Variants in RPS6KA2 observed in about 807,000 individuals in gnomAD.
The protein encoded by RPS6KA2 is ribosomal protein S6 kinase alpha-2.
Under a neutral mutation model 91.8 loss-of-function variants are expected in RPS6KA2, and 42 were observed. That is an observed-to-expected ratio of 0.46 (90% CI 0.36 to 0.59). The LOEUF is 0.59. Ranked by LOEUF, RPS6KA2 falls within the 20% of genes least tolerant of loss-of-function variation. The pLI is 0.00. For missense variants in RPS6KA2, 798 were observed against 978.5 expected (o/e 0.82, Z 2.46); for synonymous variants, 414 against 393.6 (o/e 1.05, Z -0.61).
chr6:166,475,210 C>A (rs1562520190), intron 10 of RPS6KA2, among the ~76,000 whole-genome samples: 1 of 152,172 alleles, frequency 6.6e-6, no homozygotes, highest in Non-Finnish European at 1.5e-5. Context: ...ACAGCCACCC[C>A]AGGGTCTTTC....
At position 166,507,985 on chromosome 6, in the gene RPS6KA2, ACCC is replaced by A. The variant is rs372015266; in HGVS notation, c.459+215_459+217del. On this transcript the variant is annotated intron_variant, in intron 5 of 20. Transcript: ENST00000265678. ...CCACACATGCACATGCAGTCTCGCA[ACCC>A]CCCACCACACATCATGCACACTTGC... Among the ~76,000 whole-genome samples the A allele has an allele frequency of 7.3e-3, 1,004 of 137,566 alleles. 16 individuals are homozygous for A. The highest frequency in any genetic ancestry group is 0.026 in the African/African-American group (942 of 35,984). The allele number at this position is 137,566 out of a possible 152,430, so 90.2% of individuals were successfully genotyped here. A position where few individuals can be genotyped will look rare whatever the true frequency, so the allele number is the denominator to read the frequency against.
chr6:166,606,622 C>T (rs1785964956), intron 1 of RPS6KA2, among the ~76,000 whole-genome samples: 2 of 152,294 alleles, frequency 1.3e-5, no homozygotes, highest in Non-Finnish European at 2.9e-5. Context: ...AGAATATATA[C>T]ATAATTCTTA....
At chr6:166,542,865 T>C (rs1185471041) in intron 1 of RPS6KA2, among the ~76,000 whole-genome samples, 1 of 152,284 alleles carries the variant, frequency 6.6e-6, no homozygotes, top group Non-Finnish European at 1.5e-5. Context: ...AATTAAAAGT[T>C]GTGGAATATT....
chr6:166,494,730 CT>C lies in RPS6KA2; in HGVS notation c.747+3777del, dbSNP rs1213011082. 6.6e-6 allele frequency among the ~76,000 whole-genome samples: 1 copy of C among 152,204 alleles called. No homozygotes were observed. Among genetic ancestry groups the C allele is most frequent in the Non-Finnish European group, 1.5e-5 (1 of 68,032 alleles). On this transcript the variant is annotated intron_variant, in intron 8 of 20. Coordinates refer to ENST00000265678, the MANE Select transcript of RPS6KA2 (RefSeq NM_021135.6). This position sits in a 1 kb window ranked among gnomAD's most constrained non-coding sequence, Gnocchi z 5.1. ...CCTGCCCCTGGCACAGGCATCCTTC[CT>C]TCCAGGTCTGGGGAGGGCACTTGTG...
At chr6:166,520,181 G>C (rs1035586993) in intron 3 of RPS6KA2, among the ~76,000 whole-genome samples, 4 of 152,190 alleles carry the variant, frequency 2.6e-5, no homozygotes, top group Non-Finnish European at 5.9e-5. Flanking sequence ...CCCACACCAA[G>C]TTCTCAGGAC....
intron 1 of RPS6KA2, among the ~76,000 whole-genome samples, chr6:166,622,000 G>C (rs930699506): frequency 6.6e-6 from 1 of 152,160 alleles, no homozygotes; most frequent in Non-Finnish European, 1.5e-5. Context: ...TGAAATTCCA[G>C]GTAAATGGTA....
At chr6:166,856,917 G>C (rs1410772948) in intron 2 of RPS6KA2, among the ~76,000 whole-genome samples, 2 of 152,222 alleles carry the variant, frequency 1.3e-5, no homozygotes, top group Non-Finnish European at 2.9e-5. Context: ...AAAGGTACAA[G>C]GCCAGGCCAA....
At position 166,764,570 on chromosome 6, in the gene RPS6KA2, A is replaced by T. The variant is rs112817767; in HGVS notation, c.123+93630T>A. 7.7e-3 allele frequency among the ~76,000 whole-genome samples: 1,172 copies of T among 152,148 alleles called. 25 individuals are homozygous for T. Among genetic ancestry groups the T allele is most frequent in the African/African-American group, 0.027 (1,134 of 41,512 alleles). On this transcript the variant is annotated intron_variant, in intron 2 of 21. Transcript: ENST00000503859. ...GGCCATGCCGCAGGCCTAGATGGGGAAGCAGAGTGGGGCAAGGAGCAGGGG... is the reference window on the plus strand; with the variant it reads ...GGCCATGCCGCAGGCCTAGATGGGGTAGCAGAGTGGGGCAAGGAGCAGGGG...
At position 166,648,757 on chromosome 6, in the gene RPS6KA2, T is replaced by C. The variant is rs74875116; in HGVS notation, c.124-109973A>G. Among the ~76,000 whole-genome samples, 503 of 152,314 alleles carry C rather than the reference T, an allele frequency of 3.3e-3. 2 individuals are homozygous for C. Among genetic ancestry groups the C allele is most frequent in the African/African-American group, 0.012 (489 of 41,564 alleles). Reference sequence around the variant, plus strand: ...TTACTCCGGCGTCTGCATCTCGTCCTGAGGTCCTGAACTTTGGGATGGCAC... The same window carrying C: ...TTACTCCGGCGTCTGCATCTCGTCCCGAGGTCCTGAACTTTGGGATGGCAC... On this transcript the variant is annotated intron_variant, in intron 2 of 21. Transcript: ENST00000503859. The surrounding 1 kb of genome is among the most constrained non-coding windows in gnomAD (Gnocchi z 4.8).
intron 1 of RPS6KA2, among the ~76,000 whole-genome samples, chr6:166,587,965 A>G (rs1315966044): frequency 2.6e-5 from 4 of 152,178 alleles, no homozygotes; most frequent in Admixed American, 2.6e-4. Context: ...TTTGTTTTTT[A>G]TCTGTTTGGC....
chr6:166,725,874 G>A (rs1215579277), intron 2 of RPS6KA2, among the ~76,000 whole-genome samples: 1 of 152,242 alleles, frequency 6.6e-6, no homozygotes, highest in African/African-American at 2.4e-5. Context: ...TGAGGGGTGG[G>A]GAGGAGGCAG....
In RPS6KA2 at chr6:166,422,858, A is replaced by T. The variant is rs1034948871; in HGVS notation, c.1743+398T>A. ...GGGTGCAGAGAAAATCCGTAAACTT[A>T]GTTGCTCCCTGCGCTATGACGGATC... On this transcript the variant is annotated intron_variant, in intron 17 of 20. Transcript: ENST00000265678. Among the ~76,000 whole-genome samples, 126 of 152,248 alleles carry T rather than the reference A, an allele frequency of 8.3e-4. 1 individual carries two copies. Among genetic ancestry groups the T allele is most frequent in the African/African-American group, 2.9e-3 (119 of 41,550 alleles).
chr6:166,729,038 C>T (rs1207038410), intron 2 of RPS6KA2, among the ~76,000 whole-genome samples: 1 of 152,214 alleles, frequency 6.6e-6, no homozygotes, highest in African/African-American at 2.4e-5. Flanking sequence ...ATGGAGTGCT[C>T]CCCTGCGGAA....
chr6:166,604,474 G>A (rs1018574145), intron 1 of RPS6KA2, among the ~76,000 whole-genome samples: 1 of 152,204 alleles, frequency 6.6e-6, no homozygotes, highest in Admixed American at 6.5e-5. Flanking sequence ...TCCCCGCTGG[G>A]GTAACTGAAG....
chr6:166,576,668 C>G (rs1784845525), intron 1 of RPS6KA2, among the ~76,000 whole-genome samples: 1 of 152,128 alleles, frequency 6.6e-6, no homozygotes, highest in Non-Finnish European at 1.5e-5. Context: ...GACTTGGGTG[C>G]TGTTGAAGGC....
At chr6:166,859,803 T>C (rs1781001585) in intron 1 of RPS6KA2, among the ~76,000 whole-genome samples, 1 of 152,216 alleles carries the variant, frequency 6.6e-6, no homozygotes, top group African/African-American at 2.4e-5. Flanking sequence ...AATCCAGGAA[T>C]GCTGATTCTA....
chr6:166,445,738 G>A lies in RPS6KA2; in HGVS notation c.1332+2986C>T, dbSNP rs1311360827. Among the ~76,000 whole-genome samples the A allele has an allele frequency of 6.6e-6, 1 of 152,180 alleles. No homozygotes were observed. Among genetic ancestry groups the A allele is most frequent in the Non-Finnish European group, 1.5e-5 (1 of 68,032 alleles). On this transcript the variant is annotated intron_variant, in intron 14 of 20. Coordinates refer to ENST00000265678, the MANE Select transcript of RPS6KA2 (RefSeq NM_021135.6). This position sits in a 1 kb window ranked among gnomAD's most constrained non-coding sequence, Gnocchi z 4.5. ...ATTGAATGGGAGGATGCCCTGTCTG[G>A]CTGTGACGGGACTGCTTCTGAAGCA...
chr6:166,791,619 A>G lies in RPS6KA2; in HGVS notation c.123+66581T>C, dbSNP rs573735413. ...AAATTGACCACATAGTTGGAAGTAA[A>G]GCACTCCTCAGCAAATGTAAAAGAA... On this transcript the variant is annotated intron_variant, in intron 2 of 21. Coordinates refer to the RPS6KA2 transcript ENST00000503859. 7.9e-5 allele frequency among the ~76,000 whole-genome samples: 12 copies of G among 152,324 alleles called. No homozygotes were observed. In the East Asian group the frequency reaches 1.7e-3, roughly 22 times the overall value.
intron 2 of RPS6KA2, among the ~76,000 whole-genome samples, chr6:166,837,219 G>T (rs887901502): frequency 3.3e-5 from 5 of 152,118 alleles, no homozygotes; most frequent in African/African-American, 7.2e-5. Context: ...GTCTGGGGTG[G>T]GAGGGCGCCC....
Sources: gnomAD v4.1 joint callset for allele counts (sites outside exome capture counted in the v4.1 genomes callset) on GRCh38, gnomAD v4.1.1 for gene constraint, Gnocchi (gnomAD v3.1) non-coding constraint, MANE v1.5 for transcripts, NCBI Gene and HGNC (gene_info 2026-07-23, HGNC 2026-07-21) for gene names.